Variants in KDM4C observed in about 807,000 individuals in gnomAD.
KDM4C encodes the protein lysine demethylase 4C.
In KDM4C, 81 loss-of-function variants were observed where a neutral mutation model predicts 129.3. The observed-to-expected ratio is 0.63, with a 90% confidence interval of 0.52 to 0.75. KDM4C has a LOEUF of 0.75. KDM4C is among the 30% of genes least tolerant of loss of function. KDM4C has a pLI of 0.00. For missense variants in KDM4C, 1,457 were observed against 1,304.0 expected, an observed-to-expected ratio of 1.12 and a Z score of -1.81; for synonymous variants, 573 against 456.1, an observed-to-expected ratio of 1.26 and a Z score of -3.26.
In KDM4C at chr9:7,026,157, A is replaced by G. The variant is rs549560283; in HGVS notation, c.2259+10228A>G. On this transcript the variant is annotated intron_variant, in intron 15 of 21. Coordinates refer to ENST00000381309, the MANE Select transcript of KDM4C (RefSeq NM_015061.6). ...GAGACGAAGGTTGCAGTGAGCCGAG[A>G]TCGCACCGCTGTACTCCAGCCTGGG... 5.3e-5 allele frequency among the ~76,000 whole-genome samples: 8 copies of G among 151,936 alleles called. No individual in the cohort carries two copies. The East Asian group carries it at 1.5e-3, about 29-fold the overall frequency.
At chr9:6,917,871 C>G (rs569717787) in intron 8 of KDM4C, among the ~76,000 whole-genome samples, 4 of 152,280 alleles carry the variant, frequency 2.6e-5, no homozygotes, top group East Asian at 3.9e-4. Flanking sequence ...CACTTGACCC[C>G]AGCCCCTCTT....
intron 19 of KDM4C, among the ~76,000 whole-genome samples, chr9:7,146,003 G>A (rs973371000): frequency 3.9e-5 from 6 of 152,206 alleles, no homozygotes; most frequent in Admixed American, 2.6e-4. Flanking sequence ...CAAGCATGAC[G>A]GCTCTTTGTT....
At chr9:7,107,847 TTTG>T (rs3072910) in intron 18 of KDM4C, among the ~76,000 whole-genome samples, 42,790 of 151,596 alleles carry the variant, frequency 0.28, 6,331 homozygotes, top group East Asian at 0.46. Flanking sequence ...ACAGAAAGTA[TTTG>T]TTGTTGTTGT....
chr9:6,879,339 C>G (rs1410082869), intron 5 of KDM4C, among the ~76,000 whole-genome samples: 1 of 151,966 alleles, frequency 6.6e-6, no homozygotes, highest in Non-Finnish European at 1.5e-5. Flanking sequence ...GTAAAAATAA[C>G]TATGGAACTA....
chr9:6,981,129 C>A lies in KDM4C; in HGVS notation c.1115+11C>A. ...AAAAGCATCCCGAAGGTAATGACCC[C>A]TCACCCCACTGACCTGCCTTGCCTG... On this transcript the variant is annotated intron_variant, in intron 9 of 21. Coordinates refer to ENST00000381309, the MANE Select transcript of KDM4C (RefSeq NM_015061.6). The A allele has an allele frequency of 1.9e-6, 3 of 1,600,700 alleles. No individual in the cohort carries two copies. The highest frequency in any genetic ancestry group is 2.2e-5 in the East Asian group (1 of 44,632).
At chr9:6,810,876 A>AAAATAAAT (rs200594931) in intron 3 of KDM4C, among the ~76,000 whole-genome samples, 40 of 151,978 alleles carry the variant, frequency 2.6e-4, no homozygotes, top group Non-Finnish European at 4.4e-4. Flanking sequence ...TGTCTCCAAA[A>AAAATAAAT]AAATAAATAA....
At chr9:6,836,839 T>C (rs999885169) in intron 4 of KDM4C, among the ~76,000 whole-genome samples, 1 of 152,200 alleles carries the variant, frequency 6.6e-6, no homozygotes, top group Non-Finnish European at 1.5e-5. Flanking sequence ...TTTTTTTTTA[T>C]TCTGCTGCCA....
intron 15 of KDM4C, among the ~76,000 whole-genome samples, chr9:7,042,509 C>G (rs74608767): frequency 1.3e-5 from 2 of 152,012 alleles, no homozygotes; most frequent in Non-Finnish European, 2.9e-5. Context: ...TATATGCTGT[C>G]GGGTAACACA....
In KDM4C at chr9:7,174,726, G is replaced by GTAGTCTGCA; in HGVS notation, c.3171_*8dup. 5 of 1,613,952 alleles carry GTAGTCTGCA rather than the reference G, an allele frequency of 3.1e-6. No individual in the cohort carries two copies. Among genetic ancestry groups the GTAGTCTGCA allele is most frequent in the Non-Finnish European group, 4.2e-6 (5 of 1,179,838 alleles). On this transcript the variant is annotated inframe_insertion and stop_retained_variant, in exon 22 of 22. Coordinates refer to ENST00000381309, the MANE Select transcript of KDM4C (RefSeq NM_015061.6). ...TCCAGAAGAAGTGCCAGAAGAGACA[G>GTAGTCTGCA]TAGTCTGCATACATCGCTGCAGGCC...
intron 17 of KDM4C, among the ~76,000 whole-genome samples, chr9:7,062,688 T>C (rs1057048938): frequency 1.1e-4 from 17 of 150,618 alleles, no homozygotes; most frequent in Non-Finnish European, 1.9e-4. Context: ...CCAGCCCCCT[T>C]TTTTTTTTCC....
chr9:6,856,566 G>GTGTGTT (rs1172580224), intron 5 of KDM4C, among the ~76,000 whole-genome samples: 5 of 139,100 alleles, frequency 3.6e-5, no homozygotes, highest in African/African-American at 1.3e-4. Flanking sequence ...GTGTGTGTGT[G>GTGTGTT]TGTGTGTGTG....
rs1272288522 is a variant in KDM4C, at chr9:7,103,949, T to C, written c.2610+79T>C. The C allele has an allele frequency of 1.2e-5, 15 of 1,293,204 alleles. No homozygotes were observed. The East Asian group carries it at 3.6e-4, about 31-fold the overall frequency. 80.1% of individuals were successfully genotyped at this position (1,293,204 alleles called of 1,614,324 possible). Reference sequence around the variant, plus strand: ...GTTTTAGACTACCTCCCAGACATAATGTGCTTTATTCTGTAATATGACTCA... The same window carrying C: ...GTTTTAGACTACCTCCCAGACATAACGTGCTTTATTCTGTAATATGACTCA... On this transcript the variant is annotated intron_variant, in intron 18 of 21. Coordinates refer to ENST00000381309, the MANE Select transcript of KDM4C (RefSeq NM_015061.6).
chr9:7,171,215 G>A (rs1844928693), intron 21 of KDM4C, among the ~76,000 whole-genome samples: 1 of 151,878 alleles, frequency 6.6e-6, no homozygotes, highest in Admixed American at 6.6e-5. Context: ...CCCACTCGAT[G>A]GGAAATGTGG....
chr9:6,812,505 C>T (rs982713147), intron 3 of KDM4C, among the ~76,000 whole-genome samples: 2 of 152,096 alleles, frequency 1.3e-5, no homozygotes, highest in African/African-American at 4.8e-5. Context: ...ACGGTCCTAC[C>T]TCAGATCATC....
chr9:6,871,793 G>GT (rs1480263703), intron 5 of KDM4C, among the ~76,000 whole-genome samples: 21 of 152,196 alleles, frequency 1.4e-4, no homozygotes, highest in South Asian at 2.1e-4. Flanking sequence ...AAAATGGATA[G>GT]TTTATGTTAA....
At chr9:6,777,668 G>A (rs1051832474) in intron 1 of KDM4C, among the ~76,000 whole-genome samples, 1 of 151,840 alleles carries the variant, frequency 6.6e-6, no homozygotes, top group Non-Finnish European at 1.5e-5. Flanking sequence ...GTCTTGCTCT[G>A]TCGCCCAGTC....
At chr9:7,090,061 T>G (rs1835617051) in intron 17 of KDM4C, among the ~76,000 whole-genome samples, 1 of 152,230 alleles carries the variant, frequency 6.6e-6, no homozygotes, top group African/African-American at 2.4e-5. Context: ...TGTCCAATGC[T>G]TGAAACCCCC....
At chr9:6,779,068 G>T (rs1036209116) in intron 1 of KDM4C, among the ~76,000 whole-genome samples, 2 of 132,906 alleles carry the variant, frequency 1.5e-5, no homozygotes, top group African/African-American at 6.2e-5. Context: ...TCGCTCTGTC[G>T]CCCAGGCTGG....
At position 6,972,662 on chromosome 9, in the gene KDM4C, G is replaced by A. The variant is rs1319499919; in HGVS notation, c.922-8263G>A. ...TCACAGACTGGTTTAATGCAGCTTT[G>A]TTTTGCTATTCATGAGTTTCATGTT... On this transcript the variant is annotated intron_variant, in intron 8 of 21. Coordinates refer to ENST00000381309, the MANE Select transcript of KDM4C (RefSeq NM_015061.6). 5.3e-5 allele frequency among the ~76,000 whole-genome samples: 8 copies of A among 152,286 alleles called. No individual in the cohort carries two copies. The East Asian group carries it at 1.5e-3, about 29-fold the overall frequency.
Sources: gnomAD v4.1 joint callset for allele counts (sites outside exome capture counted in the v4.1 genomes callset) on GRCh38, gnomAD v4.1.1 for gene constraint, MANE v1.5 for transcripts, NCBI Gene and HGNC (gene_info 2026-07-23, HGNC 2026-07-21) for gene names.